The following SCP2 variants were observed in gnomAD, a reference collection of about 807,000 sequenced individuals.
The protein encoded by SCP2 is SCP-2/3-oxoacyl-CoA thiolase.
A neutral mutation model predicts 71.4 loss-of-function variants in SCP2; 48 were observed. That is an observed-to-expected ratio of 0.67 (90% CI 0.53 to 0.86). The LOEUF is 0.86. SCP2 is among the 40% of genes least tolerant of loss of function. The pLI, the probability that SCP2 is intolerant of heterozygous loss-of-function variation, is 0.00. For missense variants in SCP2, 560 were observed against 655.6 expected (o/e 0.85, Z 1.59); for synonymous variants, 220 against 218.1 (o/e 1.01, Z -0.08).
intron 6 of SCP2, among the ~76,000 whole-genome samples, chr1:52,972,812 C>G (rs920090087): frequency 2.6e-5 from 4 of 152,214 alleles, no homozygotes; most frequent in Non-Finnish European, 5.9e-5. Context: ...TAACTACTCT[C>G]ATTAGACTTG....
chr1:53,029,269 T>G (rs1662352894), intron 13 of SCP2, among the ~76,000 whole-genome samples: 2 of 140,218 alleles, frequency 1.4e-5, no homozygotes, highest in African/African-American at 4.9e-5. Context: ...TCTTTCTGTT[T>G]TTTTTTTTTT....
intron 13 of SCP2, among the ~76,000 whole-genome samples, chr1:53,030,293 A>G (rs1032800283): frequency 1.3e-4 from 20 of 152,192 alleles, no homozygotes; most frequent in Non-Finnish European, 5.9e-5. Flanking sequence ...TTCAAGTAAA[A>G]CAGTGCTGTA....
At chr1:52,984,738 T>A (rs1229651537) in intron 10 of SCP2, among the ~76,000 whole-genome samples, 1 of 151,776 alleles carries the variant, frequency 6.6e-6, no homozygotes, top group Non-Finnish European at 1.5e-5. Flanking sequence ...GGTTTCACCA[T>A]GTTGGCCAGG....
chr1:53,004,962 CA>C (rs1480273643), intron 11 of SCP2, among the ~76,000 whole-genome samples: 1 of 152,214 alleles, frequency 6.6e-6, no homozygotes, highest in South Asian at 2.1e-4. Flanking sequence ...GCAAATGGCA[CA>C]CCAGGAGATT....
chr1:52,954,145 C>G (rs1014856076), intron 4 of SCP2, among the ~76,000 whole-genome samples: 5 of 149,932 alleles, frequency 3.3e-5, no homozygotes, highest in African/African-American at 1.2e-4. Context: ...ACTCTCTCTA[C>G]AAAAAATAAA....
At chr1:52,968,196 C>T (rs1657152868) in intron 6 of SCP2, among the ~76,000 whole-genome samples, 1 of 152,180 alleles carries the variant, frequency 6.6e-6, no homozygotes, top group African/African-American at 2.4e-5. Flanking sequence ...CCCGTCTTGG[C>T]CTCCCAAAGT....
chr1:52,973,911 A>G (rs2150161813), intron 6 of SCP2, among the ~76,000 whole-genome samples: 1 of 152,214 alleles, frequency 6.6e-6, no homozygotes, highest in South Asian at 2.1e-4. Context: ...CCTGATCACT[A>G]TTTTTATTGT....
At chr1:52,981,429 T>G (rs183789325) in intron 10 of SCP2, among the ~76,000 whole-genome samples, 12 of 150,566 alleles carry the variant, frequency 8.0e-5, no homozygotes, top group Admixed American at 7.9e-4. Context: ...TGTAAAGTAT[T>G]TCATTAATAA....
At chr1:53,045,518 T>A (rs1663741446) in intron 14 of SCP2, among the ~76,000 whole-genome samples, 1 of 152,164 alleles carries the variant, frequency 6.6e-6, no homozygotes, top group African/African-American at 2.4e-5. Flanking sequence ...TAGATGTCTT[T>A]TAGTGGACAT....
intron 1 of SCP2, among the ~76,000 whole-genome samples, chr1:52,939,284 G>A (rs61322302): frequency 0.017 from 2,580 of 152,288 alleles, 45 homozygotes; most frequent in African/African-American, 0.057. Context: ...AGTGGCTCGT[G>A]ACTGTAATCC....
intron 2 of SCP2, among the ~76,000 whole-genome samples, chr1:52,942,212 A>G (rs1165905920): frequency 6.6e-6 from 1 of 152,216 alleles, no homozygotes; most frequent in Non-Finnish European, 1.5e-5. Flanking sequence ...AAAAGGGATA[A>G]TCACATTCCA....
intron 11 of SCP2, among the ~76,000 whole-genome samples, chr1:52,990,615 T>A (rs1160244511): frequency 6.6e-6 from 1 of 151,270 alleles, no homozygotes; most frequent in East Asian, 1.9e-4. Context: ...GCGCCTGCAG[T>A]CCCAGCTACT....
intron 14 of SCP2, among the ~76,000 whole-genome samples, chr1:53,046,351 T>C (rs2150275785): frequency 6.6e-6 from 1 of 151,726 alleles, no homozygotes; most frequent in South Asian, 2.1e-4. Context: ...TTTTTTTAAA[T>C]TTCAGCCATT....
chr1:52,978,182 A>G (rs748536379), intron 8 of SCP2, 35 bp from the exon 9 acceptor site: 3 of 1,606,492 alleles, frequency 1.9e-6, no homozygotes, highest in Non-Finnish European at 2.6e-6. Flanking sequence ...ATCAGGTGCT[A>G]CTGGGTGTGG....
chr1:52,983,484 TC>T (rs1658705888), intron 10 of SCP2, among the ~76,000 whole-genome samples: 1 of 152,178 alleles, frequency 6.6e-6, no homozygotes, highest in Non-Finnish European at 1.5e-5. Context: ...GTCCCATAGG[TC>T]CCTGAAACTG....
intron 14 of SCP2, among the ~76,000 whole-genome samples, chr1:53,043,446 G>A (rs1383316070): frequency 6.6e-6 from 1 of 152,214 alleles, no homozygotes; most frequent in Non-Finnish European, 1.5e-5. Context: ...CAGTGAAGGT[G>A]CAGTTAAAAC....
At chr1:53,001,913 G>A (rs553337233) in intron 11 of SCP2, among the ~76,000 whole-genome samples, 7 of 152,218 alleles carry the variant, frequency 4.6e-5, no homozygotes, top group South Asian at 4.1e-4. Context: ...GGCTGGGTGC[G>A]GTGGCTCATG....
chr1:53,042,265 TC>T (rs143017113), intron 14 of SCP2, among the ~76,000 whole-genome samples: 5,815 of 151,826 alleles, frequency 0.038, 139 homozygotes, highest in Middle Eastern at 0.072. Context: ...ATAGTAGTGA[TC>T]TTTTTTTTTT....
At chr1:52,935,513 C>T (rs1653644551) in intron 1 of SCP2, among the ~76,000 whole-genome samples, 2 of 151,326 alleles carry the variant, frequency 1.3e-5, no homozygotes, top group Admixed American at 6.6e-5. Context: ...TCACTTGAAC[C>T]CAGGAGGTGG....
Sources: allele counts gnomAD v4.1 joint callset (sites outside exome capture counted in the v4.1 genomes callset), GRCh38; gene constraint gnomAD v4.1.1; transcripts MANE v1.5; gene names NCBI Gene and HGNC (gene_info 2026-07-23, HGNC 2026-07-21).